Variants in ZC3HAV1 observed in about 807,000 individuals in gnomAD.
ZC3HAV1 encodes zinc finger CCCH-type antiviral protein 1.
In ZC3HAV1, 41 loss-of-function variants were observed where a neutral mutation model predicts 86.6. The ratio of observed to expected loss-of-function variants is 0.47; its 90% CI spans 0.37 to 0.61. The LOEUF (loss-of-function observed/expected upper bound fraction) is 0.61. Among genes scored for constraint, ZC3HAV1 ranks in the 20% least tolerant of loss-of-function variants. The pLI is 0.00. For missense variants in ZC3HAV1, 964 were observed against 1,141.1 expected (o/e 0.84, Z 2.24); for synonymous variants, 421 against 432.1 (o/e 0.97, Z 0.32).
At chr7:139,069,009 G>A (rs1563129228) in intron 7 of ZC3HAV1, among the ~76,000 whole-genome samples, 2 of 152,126 alleles carry the variant, frequency 1.3e-5, no homozygotes, top group African/African-American at 2.4e-5. Flanking sequence ...CAATTACCAG[G>A]TGTTTCTATT....
At chr7:139,089,880 G>T (rs1334846757) in intron 1 of ZC3HAV1, 121 bp from the exon 2 acceptor site, 12 of 1,087,614 alleles carry the variant, frequency 1.1e-5, no homozygotes, top group African/African-American at 1.7e-5. Flanking sequence ...ACAGACACAG[G>T]TTGGTTCTGC....
chr7:139,076,240 T>C (rs997257251), intron 6 of ZC3HAV1, 46 bp downstream of exon 6: 7 of 1,612,962 alleles, frequency 4.3e-6, no homozygotes, highest in Middle Eastern at 1.6e-4. Flanking sequence ...TGCTTCCCTT[T>C]GATAATGTTG....
At chr7:139,048,842 C>A (rs1816037393) in intron 12 of ZC3HAV1, among the ~76,000 whole-genome samples, 1 of 152,040 alleles carries the variant, frequency 6.6e-6, no homozygotes, top group Non-Finnish European at 1.5e-5. Flanking sequence ...ACTAGATATT[C>A]TGTGCAAATG....
At chr7:139,098,746 C>G (rs532054947) in intron 1 of ZC3HAV1, among the ~76,000 whole-genome samples, 1 of 152,342 alleles carries the variant, frequency 6.6e-6, no homozygotes, top group East Asian at 1.9e-4. Flanking sequence ...AGTCTCCCCT[C>G]TCTCCTCCCA....
intron 8 of ZC3HAV1, among the ~76,000 whole-genome samples, chr7:139,064,629 A>G (rs570764779): frequency 3.3e-5 from 5 of 152,150 alleles, no homozygotes; most frequent in African/African-American, 4.8e-5. Flanking sequence ...TGAGCCCCTG[A>G]TTTTGCAGTT....
In ZC3HAV1 at chr7:139,047,765, C is replaced by G. The variant is rs112458167; in HGVS notation, c.2538G>C (p.Leu846=). 1.4e-5 allele frequency: 23 copies of G among 1,614,100 alleles called. No homozygotes were observed. In the African/African-American group the frequency reaches 1.9e-4, roughly 13 times the overall value. The change falls in exon 13 of 13, where the codon CTG becomes CTC. Residue 846 remains leucine, a synonymous_variant. Coordinates refer to ENST00000242351, the MANE Select transcript of ZC3HAV1 (RefSeq NM_020119.4). ...TATTTCCTTCAGTAAACTTTCCAAC[C>G]AGAACTTGGGCTACAAACATAACGA... ...KNVVMFVAQV[L]VGKFTEGNIT... is the part of the protein sequence containing the mutation.
chr7:139,070,998 C>G (rs577876064), intron 7 of ZC3HAV1, among the ~76,000 whole-genome samples: 1 of 151,480 alleles, frequency 6.6e-6, no homozygotes, highest in East Asian at 1.9e-4. Flanking sequence ...AAAAAAAGCT[C>G]AGGAAGTTTC....
rs75754764 is a variant in ZC3HAV1, at chr7:139,108,402, C to T, written c.308+622G>A. ...GCGCGCGCCACCGTAGAGAGACCAC[C>T]CGGAGGGAAGGCCCGCGGCTGCTAC... On this transcript the variant is annotated intron_variant, in intron 1 of 12. Coordinates refer to ENST00000242351, the MANE Select transcript of ZC3HAV1 (RefSeq NM_020119.4). The surrounding 1 kb of genome is among the most constrained non-coding windows in gnomAD (Gnocchi z 4.2). Among the ~76,000 whole-genome samples, 784 of 152,206 alleles carry T rather than the reference C, an allele frequency of 5.2e-3. 1 individual carries two copies. Among genetic ancestry groups the T allele is most frequent in the Admixed American group, 8.4e-3 (129 of 15,296 alleles).
At chr7:139,105,132 T>A (rs942303402) in intron 1 of ZC3HAV1, among the ~76,000 whole-genome samples, 2 of 152,056 alleles carry the variant, frequency 1.3e-5, no homozygotes, top group Admixed American at 1.3e-4. Flanking sequence ...GAGGATCATC[T>A]GAGCCTAGGA....
chr7:139,059,785 A>G (rs1421054573), intron 9 of ZC3HAV1, among the ~76,000 whole-genome samples: 1 of 152,216 alleles, frequency 6.6e-6, no homozygotes, highest in Non-Finnish European at 1.5e-5. Context: ...AAGTCAACTT[A>G]ATTATATATA....
intron 7 of ZC3HAV1, 35 bp downstream of exon 7, chr7:139,073,821 A>G (rs1323561587): frequency 6.4e-7 from 1 of 1,564,290 alleles, no homozygotes; most frequent in Non-Finnish European, 8.7e-7. Context: ...GACAAGTTTA[A>G]ACAAGAGCCC....
At chr7:139,054,188 T>A (rs1237194152) in intron 10 of ZC3HAV1, 93 bp from the exon 11 acceptor site, 20 of 1,284,664 alleles carry the variant, frequency 1.6e-5, no homozygotes, top group Non-Finnish European at 2.0e-5. Context: ...TGAAGTATTG[T>A]TACCAGGGTT....
chr7:139,043,634 A>G lies in ZC3HAV1; in HGVS notation c.*3960T>C, dbSNP rs573504141. 6.6e-6 allele frequency: 1 copy of G among 152,346 alleles called. No homozygotes were observed. Among genetic ancestry groups the G allele is most frequent in the South Asian group, 2.1e-4 (1 of 4,828 alleles). 9.4% of individuals were successfully genotyped at this position (152,346 alleles called of 1,614,324 possible). On this transcript the variant is annotated 3_prime_UTR_variant, in exon 13 of 13. Transcript: ENST00000242351. ...TTAATTTATTCAACAAAATTTACCC[A>G]ATATATCAGTGTACAAAGCATGCTG...
chr7:139,076,151 A>G (rs1055684187), intron 6 of ZC3HAV1, 135 bp downstream of exon 6: 1 of 1,403,876 alleles, frequency 7.1e-7, no homozygotes, highest in Non-Finnish European at 9.6e-7. Context: ...GCCATTTTTT[A>G]TCTCAAGAGG....
rs761452003 is a variant in ZC3HAV1, at chr7:139,109,010, C to T, written c.308+14G>A. 5 of 1,536,392 alleles carry T rather than the reference C, an allele frequency of 3.3e-6. No homozygotes were observed. Among genetic ancestry groups the T allele is most frequent in the Non-Finnish European group, 4.4e-6 (5 of 1,134,436 alleles). ...ACGGCTGCGGACAGCGCCCCTCCCT[C>T]CGGGTGCACTCACCGCTCGGACTGC... is the stretch of plus-strand genomic sequence containing the variant. On this transcript the variant is annotated intron_variant, in intron 1 of 12. Coordinates refer to ENST00000242351, the MANE Select transcript of ZC3HAV1 (RefSeq NM_020119.4).
intron 5 of ZC3HAV1, among the ~76,000 whole-genome samples, chr7:139,078,266 AAC>A (rs1817014117): frequency 6.6e-6 from 1 of 152,170 alleles, no homozygotes; most frequent in Non-Finnish European, 1.5e-5. Context: ...AAGGCAAACA[AAC>A]ACACACAAAA....
In ZC3HAV1 at chr7:139,055,300, A is replaced by G; in HGVS notation, c.2097-5T>C. 1 of 1,609,740 alleles carries G rather than the reference A, an allele frequency of 6.2e-7. No individual in the cohort carries two copies. Among genetic ancestry groups the G allele is most frequent in the Non-Finnish European group, 8.5e-7 (1 of 1,176,784 alleles). On this transcript the variant is annotated splice_region_variant and splice_polypyrimidine_tract_variant and intron_variant, in intron 9 of 12. Coordinates refer to ENST00000242351, the MANE Select transcript of ZC3HAV1 (RefSeq NM_020119.4). ...GAGGTCTTTGCTGGCTGATGGCTACAAATAAAGAGAAAGAATTCACTTAAC... is the reference window on the plus strand; with the variant it reads ...GAGGTCTTTGCTGGCTGATGGCTACGAATAAAGAGAAAGAATTCACTTAAC...
chr7:139,090,465 A>G (rs969551078), intron 1 of ZC3HAV1, among the ~76,000 whole-genome samples: 1 of 152,210 alleles, frequency 6.6e-6, no homozygotes, highest in African/African-American at 2.4e-5. Flanking sequence ...TGGGAATTTA[A>G]TTTCTATTAA....
At chr7:139,085,193 CCTT>C (rs1817239380) in intron 2 of ZC3HAV1, among the ~76,000 whole-genome samples, 2 of 152,302 alleles carry the variant, frequency 1.3e-5, no homozygotes, top group South Asian at 4.1e-4. Flanking sequence ...TTTTAACAAA[CCTT>C]CTGGATGATT....
Sources: allele counts gnomAD v4.1 joint callset (sites outside exome capture counted in the v4.1 genomes callset), GRCh38; gene constraint gnomAD v4.1.1; non-coding constraint Gnocchi (gnomAD v3.1); transcripts MANE v1.5; gene names NCBI Gene and HGNC (gene_info 2026-07-23, HGNC 2026-07-21).